Variants in GABRB2 observed in about 807,000 individuals in gnomAD.
GABRB2 encodes gamma-aminobutyric acid type A receptor subunit beta2, also known as gamma-aminobutyric acid receptor subunit beta-2.
A neutral mutation model predicts 54.7 loss-of-function variants in GABRB2; 16 were observed. The ratio of observed to expected loss-of-function variants is 0.29; its 90% CI spans 0.20 to 0.44. GABRB2 has a LOEUF of 0.44. Ranked by LOEUF, GABRB2 falls within the 20% of genes least tolerant of loss-of-function variation. The probability of loss-of-function intolerance (pLI) is 1.00; values close to 1 mark genes in which losing one functional copy is unlikely to be tolerated. For synonymous variants in GABRB2, 244 were observed against 233.8 expected (o/e 1.04, Z -0.40); for missense variants, 355 against 644.0 (o/e 0.55, Z 4.86).
intron 5 of GABRB2, among the ~76,000 whole-genome samples, chr5:161,399,519 C>A (rs937876797): frequency 2.0e-5 from 3 of 152,130 alleles, no homozygotes; most frequent in Non-Finnish European, 4.4e-5. Context: ...GCAGTGACTA[C>A]TTTATTAAGC....
At chr5:161,422,584 T>C (rs1756881243) in intron 4 of GABRB2, among the ~76,000 whole-genome samples, 1 of 152,132 alleles carries the variant, frequency 6.6e-6, no homozygotes, top group African/African-American at 2.4e-5. Flanking sequence ...GCAGTGCAAA[T>C]ATAGTTGATT....
intron 4 of GABRB2, among the ~76,000 whole-genome samples, chr5:161,435,031 C>T (rs1160949803): frequency 1.3e-5 from 2 of 152,132 alleles, no homozygotes; most frequent in African/African-American, 4.8e-5. Context: ...GTCTGTGTTT[C>T]CAAAGCCTTA....
chr5:161,397,624 C>T (rs1316664096), intron 5 of GABRB2, among the ~76,000 whole-genome samples: 2 of 151,996 alleles, frequency 1.3e-5, no homozygotes, highest in African/African-American at 2.4e-5. Context: ...TATTCTTGAC[C>T]GATTTATGGA....
intron 5 of GABRB2, among the ~76,000 whole-genome samples, chr5:161,407,310 C>T (rs1248878510): frequency 1.3e-5 from 2 of 152,054 alleles, no homozygotes; most frequent in Non-Finnish European, 2.9e-5. Flanking sequence ...ATATATAATA[C>T]TTTCACCACC....
intron 4 of GABRB2, among the ~76,000 whole-genome samples, chr5:161,414,645 T>C (rs1756611345): frequency 6.6e-6 from 1 of 152,076 alleles, no homozygotes; most frequent in African/African-American, 2.4e-5. Context: ...TGTTATGAGA[T>C]CAGGAGCCAC....
chr5:161,424,355 CCTT>C (rs1336043099), intron 4 of GABRB2, among the ~76,000 whole-genome samples: 1 of 152,058 alleles, frequency 6.6e-6, no homozygotes, highest in Admixed American at 6.6e-5. Context: ...GACAGGCTGA[CCTT>C]CTTGTTAAGG....
At chr5:161,307,382 C>A (rs1431534753) in intron 9 of GABRB2, among the ~76,000 whole-genome samples, 1 of 152,186 alleles carries the variant, frequency 6.6e-6, no homozygotes, top group Non-Finnish European at 1.5e-5. Flanking sequence ...CAATAAATAT[C>A]TGCTGAAATA....
intron 5 of GABRB2, among the ~76,000 whole-genome samples, chr5:161,366,185 C>A (rs13183101): frequency 9.2e-5 from 14 of 151,558 alleles, no homozygotes; most frequent in South Asian, 2.1e-4. Flanking sequence ...TAAACCACTG[C>A]GAAAGAAAAT....
At chr5:161,471,322 T>C (rs10051667) in intron 3 of GABRB2, among the ~76,000 whole-genome samples, 17,335 of 152,030 alleles carry the variant, frequency 0.11, 1,208 homozygotes, top group African/African-American at 0.18. Flanking sequence ...GATCCAATTA[T>C]AGGTCATGGT....
chr5:161,303,202 A>G lies in GABRB2; in HGVS notation c.1192-8774T>C, dbSNP rs192376610. 3.8e-3 allele frequency among the ~76,000 whole-genome samples: 574 copies of G among 152,304 alleles called. 1 individual carries two copies. The highest frequency in any genetic ancestry group is 0.014 in the Middle Eastern group (4 of 294). ...AAGCTAGGTAAGTTGTAAAACAATA[A>G]TTTAAACTTATGTTTATGGATTCAA... On this transcript the variant is annotated intron_variant, in intron 9 of 9. Coordinates refer to ENST00000393959, the MANE Select transcript of GABRB2 (RefSeq NM_001371727.1).
chr5:161,479,852 T>C lies in GABRB2; in HGVS notation c.238-20008A>G, dbSNP rs191479246. Among the ~76,000 whole-genome samples the C allele has an allele frequency of 1.4e-3, 217 of 152,156 alleles. 1 individual carries two copies. The highest frequency in any genetic ancestry group is 2.0e-3 in the Admixed American group (31 of 15,270). On this transcript the variant is annotated intron_variant, in intron 3 of 9. Coordinates refer to ENST00000393959, the MANE Select transcript of GABRB2 (RefSeq NM_001371727.1). Reference sequence around the variant, plus strand: ...ATCCACCCGCCTCAGCCTCCTAAAGTACTGGGATTACAGGTGTGAGTCACC... The same window carrying C: ...ATCCACCCGCCTCAGCCTCCTAAAGCACTGGGATTACAGGTGTGAGTCACC...
chr5:161,344,455 G>T (rs961418732), intron 5 of GABRB2, among the ~76,000 whole-genome samples: 1 of 151,988 alleles, frequency 6.6e-6, no homozygotes, highest in Non-Finnish European at 1.5e-5. Flanking sequence ...AGACTTGTCA[G>T]CAACCTTTTA....
At chr5:161,368,704 C>T (rs1755043760) in intron 5 of GABRB2, among the ~76,000 whole-genome samples, 2 of 152,042 alleles carry the variant, frequency 1.3e-5, no homozygotes, top group South Asian at 2.1e-4. Flanking sequence ...GTCTAAGAAG[C>T]GATAGTCATC....
At chr5:161,377,759 A>AT (rs978856529) in intron 5 of GABRB2, among the ~76,000 whole-genome samples, 2 of 151,966 alleles carry the variant, frequency 1.3e-5, no homozygotes, top group Non-Finnish European at 2.9e-5. Context: ...TTCAACATTT[A>AT]TTTTTCCCCT....
chr5:161,510,782 C>T (rs918200770), intron 3 of GABRB2, among the ~76,000 whole-genome samples: 11 of 151,794 alleles, frequency 7.2e-5, no homozygotes, highest in African/African-American at 2.7e-4. Flanking sequence ...CCCTTATGTC[C>T]AGCATTTAGG....
intron 6 of GABRB2, among the ~76,000 whole-genome samples, chr5:161,335,422 T>C (rs924146814): frequency 3.9e-5 from 6 of 152,236 alleles, no homozygotes; most frequent in South Asian, 4.1e-4. Context: ...ATTGCTTCCA[T>C]TGGAGTTCTA....
intron 5 of GABRB2, among the ~76,000 whole-genome samples, chr5:161,354,434 C>A (rs1279096417): frequency 6.6e-6 from 1 of 151,984 alleles, no homozygotes; most frequent in Non-Finnish European, 1.5e-5. Context: ...ACAGATGTAT[C>A]TGCAAATGTG....
intron 3 of GABRB2, among the ~76,000 whole-genome samples, chr5:161,515,205 T>A (rs372421109): frequency 6.6e-6 from 1 of 152,142 alleles, no homozygotes; most frequent in East Asian, 1.9e-4. Context: ...CATTCCCACA[T>A]TAAAATCTTC....
intron 5 of GABRB2, among the ~76,000 whole-genome samples, chr5:161,377,512 T>C (rs897851061): frequency 6.6e-5 from 10 of 152,092 alleles, no homozygotes; most frequent in Non-Finnish European, 7.4e-5. Context: ...TCATTCTACC[T>C]GAAAAGATTT....
Sources: allele counts gnomAD v4.1 joint callset (sites outside exome capture counted in the v4.1 genomes callset), GRCh38; gene constraint gnomAD v4.1.1; transcripts MANE v1.5; gene names NCBI Gene and HGNC (gene_info 2026-07-23, HGNC 2026-07-21).